Variants in GBF1 observed in about 807,000 individuals in gnomAD.
GBF1 encodes golgi brefeldin A resistant guanine nucleotide exchange factor 1, also known as Golgi-specific brefeldin A-resistance guanine nucleotide exchange factor 1.
Under a neutral mutation model 210.5 loss-of-function variants are expected in GBF1, and 114 were observed. The observed-to-expected ratio is 0.54, with a 90% CI of 0.47 to 0.63. The LOEUF (loss-of-function observed/expected upper bound fraction) is 0.63, where lower values mean the gene tolerates loss of function less well. Among genes scored for constraint, GBF1 ranks in the 30% least tolerant of loss-of-function variants. GBF1 has a pLI of 0.00. For synonymous variants in GBF1, 850 were observed against 889.2 expected (o/e 0.96, Z 0.78); for missense variants, 1,851 against 2,357.7 (o/e 0.79, Z 4.45).
rs2060442852 is a variant in GBF1 at position 102,375,446 on chromosome 10, C to T, written c.3748C>T (p.Leu1250Phe). 6.2e-7 allele frequency: 1 copy of T among 1,613,170 alleles called. No homozygotes were observed. Among genetic ancestry groups the T allele is most frequent in the Non-Finnish European group, 8.5e-7 (1 of 1,179,106 alleles). The change falls in exon 30 of 40, where the codon CTC becomes TTC. Residue 1250 changes from leucine to phenylalanine, a missense_variant. Leu to Phe is a conservative substitution (Grantham distance 22). Around this residue, in one of 3 missense-constraint regions of GBF1, gnomAD observed 967 missense variants for 1,247.7 expected, o/e 0.78. Transcript: ENST00000369983. ...CCAGGTTGCGTATGGGCTCCATGAA[C>T]TCCTGAAGACCAATGCAGCCAACAT... The part of the protein sequence containing the change: ...SHQVAYGLHE[L>F]LKTNAANIHS...
In GBF1 at chr10:102,379,639, C is replaced by A; in HGVS notation, c.4764C>A (p.Ser1588=). 6.2e-7 allele frequency: 1 copy of A among 1,614,030 alleles called. No individual in the cohort carries two copies. The highest frequency in any genetic ancestry group is 8.5e-7 in the Non-Finnish European group (1 of 1,179,948). ...AGCTAGATGCCCTGGAATGGGAGTC[C>A]TGTTTTAACAAGGTGGGACTTCCTA... ...LQKLDALEWE[S]CFNKVLFPLL... Residue 1588 remains serine, a synonymous_variant, in exon 35 of 40, where the codon TCC becomes TCA. Transcript: ENST00000369983.
chr10:102,287,344 C>CTTTTTTTTTTTTTTTTTTTTTTTT (rs763880492), intron 3 of GBF1, among the ~76,000 whole-genome samples: 2 of 69,524 alleles, frequency 2.9e-5, no homozygotes, highest in African/African-American at 6.8e-5. Flanking sequence ...ATTTTATTTT[C>CTTTTTTTTTTTTTTTTTTTTTTTT]TTTTTTTTTT....
At position 102,379,313 on chromosome 10, in the gene GBF1, G is replaced by A. The variant is rs779992046; in HGVS notation, c.4524G>A (p.Thr1508=). Residue 1508 remains threonine (T), a synonymous_variant, in exon 34 of 40, where the codon ACG becomes ACA. Transcript: ENST00000369983. ...DLLDLMHTLH[T]RAASIYSSWA... ...TAGACCTGATGCACACCCTGCACAC[G>A]CGGGCAGCCTCTATCTACAGCTCAT... 2.6e-5 allele frequency: 42 copies of A among 1,613,610 alleles called. No homozygotes were observed. The highest frequency in any genetic ancestry group is 4.0e-5 in the African/African-American group (3 of 74,888).
At chr10:102,264,479 G>T (rs1339072616) in intron 3 of GBF1, among the ~76,000 whole-genome samples, 1 of 152,158 alleles carries the variant, frequency 6.6e-6, no homozygotes, top group African/African-American at 2.4e-5. Flanking sequence ...TATCCCCAAA[G>T]AATCCGTTTT....
intron 3 of GBF1, among the ~76,000 whole-genome samples, chr10:102,279,926 C>T (rs1399959304): frequency 6.6e-6 from 1 of 152,132 alleles, no homozygotes; most frequent in Non-Finnish European, 1.5e-5. Flanking sequence ...TGAAACCAGC[C>T]TGAGTAACTA....
chr10:102,369,804 T>A (rs751570207), intron 25 of GBF1, 29 bp downstream of exon 25: 39 of 1,614,096 alleles, frequency 2.4e-5, no homozygotes, highest in Non-Finnish European at 3.2e-5. Flanking sequence ...CTCAGGGGCT[T>A]GGGGAGGGAG....
At chr10:102,320,003 G>T (rs1348623433) in intron 3 of GBF1, among the ~76,000 whole-genome samples, 1 of 152,036 alleles carries the variant, frequency 6.6e-6, no homozygotes, top group Non-Finnish European at 1.5e-5. Context: ...GGGATTACAG[G>T]CGTGAACCAC....
intron 3 of GBF1, among the ~76,000 whole-genome samples, chr10:102,320,166 C>T (rs534015926): frequency 1.3e-5 from 2 of 152,116 alleles, no homozygotes; most frequent in Non-Finnish European, 2.9e-5. Flanking sequence ...TTATTCTATA[C>T]TGACACTAAT....
At chr10:102,370,561 G>C in intron 28 of GBF1, 83 bp downstream of exon 28, 3 of 1,311,792 alleles carry the variant, frequency 2.3e-6, no homozygotes. Context: ...GTGGGCTCTG[G>C]GGAACTGTAG....
intron 1 of GBF1, among the ~76,000 whole-genome samples, chr10:102,249,465 C>T (rs1026649523): frequency 6.6e-6 from 1 of 152,084 alleles, no homozygotes; most frequent in Non-Finnish European, 1.5e-5. Flanking sequence ...CCTGGTCACC[C>T]GATTATCAGG....
intron 8 of GBF1, among the ~76,000 whole-genome samples, chr10:102,357,165 C>T (rs1362511159): frequency 6.6e-6 from 1 of 152,106 alleles, no homozygotes; most frequent in Non-Finnish European, 1.5e-5. Context: ...GAGCTTTTGA[C>T]CAATCTGATA....
chr10:102,382,481 G>A lies in GBF1; in HGVS notation c.*145G>A, dbSNP rs1483541582. 6 of 673,530 alleles carry A rather than the reference G, an allele frequency of 8.9e-6. No homozygotes were observed. The highest frequency in any genetic ancestry group is 1.8e-5 in the African/African-American group (1 of 54,932). 41.7% of individuals were successfully genotyped at this position (673,530 alleles called of 1,614,324 possible). ...TGGATGGGGACCTGAAAAAGAGAAT[G>A]TTGATAGCCCCAGCTAAGACCCCCA... On this transcript the variant is annotated 3_prime_UTR_variant, in exon 40 of 40. Coordinates refer to ENST00000369983, the MANE Select transcript of GBF1 (RefSeq NM_001377137.1).
At chr10:102,235,796 A>G in the GBF1 span, among the ~76,000 whole-genome samples, 1 of 152,158 alleles carries the variant, frequency 6.6e-6, no homozygotes, top group African/African-American at 2.4e-5. Context: ...TCCCTGGTGA[A>G]TGAAGGTGAG....
intron 38 of GBF1, 35 bp downstream of exon 38, chr10:102,380,721 C>T: frequency 6.5e-6 from 10 of 1,538,134 alleles, no homozygotes; most frequent in Non-Finnish European, 8.9e-6. Flanking sequence ...CAAAAAGAGT[C>T]TCCTGCCTGG....
chr10:102,364,217 CTTTTTTTTTTTTTT>C (rs1031275118), intron 17 of GBF1, among the ~76,000 whole-genome samples: 2 of 66,948 alleles, frequency 3.0e-5, no homozygotes, highest in South Asian at 5.9e-4. Flanking sequence ...CTTTGGATTT[CTTTTTTTTTTTTTT>C]TTTTTTTTTT....
intron 11 of GBF1, 80 bp downstream of exon 11, chr10:102,359,515 C>A: frequency 1.9e-6 from 2 of 1,030,344 alleles, no homozygotes; most frequent in Non-Finnish European, 3.0e-6. Flanking sequence ...CGTCTTAAAC[C>A]AAGATATTGG....
chr10:102,294,242 T>G (rs947777740), intron 3 of GBF1, among the ~76,000 whole-genome samples: 3 of 152,136 alleles, frequency 2.0e-5, no homozygotes, highest in African/African-American at 7.2e-5. Context: ...TTTATAAAGT[T>G]TGCAGCAGCA....
At chr10:102,334,354 A>G (rs773928318) in intron 3 of GBF1, among the ~76,000 whole-genome samples, 2 of 152,234 alleles carry the variant, frequency 1.3e-5, no homozygotes, top group African/African-American at 2.4e-5. Context: ...TGGCTCAGGA[A>G]TGTGCCAGCC....
intron 3 of GBF1, among the ~76,000 whole-genome samples, chr10:102,290,292 G>T (rs1053703941): frequency 1.2e-4 from 19 of 152,066 alleles, no homozygotes; most frequent in African/African-American, 4.3e-4. Flanking sequence ...ATACTCTTCA[G>T]TGGGGCCAGA....
Sources: allele counts gnomAD v4.1 joint callset (sites outside exome capture counted in the v4.1 genomes callset), GRCh38; gene constraint gnomAD v4.1.1; regional missense constraint gnomAD v4.1.1; transcripts MANE v1.5; gene names NCBI Gene and HGNC (gene_info 2026-07-23, HGNC 2026-07-21).